ANKRD17: variants seen among roughly 807,000 people sequenced by gnomAD.
ANKRD17 encodes the protein ankyrin repeat domain-containing protein 17.
A neutral mutation model predicts 229.7 loss-of-function variants in ANKRD17; 19 were observed. The ratio of observed to expected loss-of-function variants is 0.08; its 90% CI spans 0.06 to 0.12. ANKRD17 has a LOEUF of 0.12. ANKRD17 is among the 10% of genes least tolerant of loss of function. ANKRD17 has a pLI of 1.00. For synonymous variants in ANKRD17, 1,112 were observed against 1,146.1 expected, an observed-to-expected ratio of 0.97 and a Z score of 0.60; for missense variants, 2,176 against 3,176.8, an observed-to-expected ratio of 0.68 and a Z score of 7.57.
At chr4:73,078,572 G>A in intron 31 of ANKRD17, 70 bp downstream of exon 31, 1 of 1,495,924 alleles carries the variant, frequency 6.7e-7, no homozygotes, top group Admixed American at 2.1e-5. Flanking sequence ...GACTATTAAA[G>A]TTAAATACTG....
intron 1 of ANKRD17, among the ~76,000 whole-genome samples, chr4:73,221,276 T>C (rs892996756): frequency 1.1e-4 from 16 of 152,122 alleles, no homozygotes; most frequent in Admixed American, 5.9e-4. Context: ...ACTAGCAACA[T>C]TGAATAAATA....
At position 73,232,728 on chromosome 4, in the gene ANKRD17, C is replaced by A. The variant is rs186485264; in HGVS notation, c.393+25548G>T. 1.1e-4 allele frequency among the ~76,000 whole-genome samples: 16 copies of A among 152,034 alleles called. No individual in the cohort carries two copies. In the South Asian group the frequency reaches 2.9e-3, roughly 28 times the overall value. ...GCCACCACATGTCTGCAATACCCCC[C>A]CTTTTTATTTTTTGAGACAGAGCCT... is the stretch of plus-strand genomic sequence containing the variant. On this transcript the variant is annotated intron_variant, in intron 1 of 33. Transcript: ENST00000358602.
At chr4:73,129,304 A>C (rs1335620970) in intron 16 of ANKRD17, among the ~76,000 whole-genome samples, 1 of 152,242 alleles carries the variant, frequency 6.6e-6, no homozygotes, top group Non-Finnish European at 1.5e-5. Context: ...ATGACTATTC[A>C]ATTTTATAAT....
At chr4:73,108,283 TGCCTAATAAGGTATTCA>T (rs953519099) in intron 24 of ANKRD17, among the ~76,000 whole-genome samples, 2 of 152,166 alleles carry the variant, frequency 1.3e-5, no homozygotes, top group African/African-American at 4.8e-5. Flanking sequence ...AAGTGTGAGA[TGCCTAATAAGGTATTCA>T]AATGGACATG....
At chr4:73,197,674 AT>A (rs1186105736) in intron 1 of ANKRD17, among the ~76,000 whole-genome samples, 3 of 150,822 alleles carry the variant, frequency 2.0e-5, no homozygotes, top group Non-Finnish European at 4.4e-5. Context: ...TATTAAAAAA[AT>A]TTTTTTTTTA....
At chr4:73,117,160 AAG>A (rs1312236791) in intron 22 of ANKRD17, among the ~76,000 whole-genome samples, 1 of 152,198 alleles carries the variant, frequency 6.6e-6, no homozygotes, top group African/African-American at 2.4e-5. Flanking sequence ...AAATAGGATG[AAG>A]AGTTTGGTAG....
chr4:73,238,090 TA>T (rs576562642), intron 1 of ANKRD17, among the ~76,000 whole-genome samples: 835 of 138,854 alleles, frequency 6.0e-3, no homozygotes, highest in South Asian at 0.018. Flanking sequence ...TCTCCTAAAT[TA>T]AAAAAAAAAA....
intron 25 of ANKRD17, chr4:73,100,980 A>G: frequency 1.0e-6 from 1 of 984,210 alleles, no homozygotes; most frequent in Non-Finnish European, 1.2e-6. Flanking sequence ...ACAAAACAAA[A>G]AACAAATACG....
chr4:73,196,974 G>A (rs1285047564), intron 1 of ANKRD17, among the ~76,000 whole-genome samples: 1 of 151,972 alleles, frequency 6.6e-6, no homozygotes, highest in Non-Finnish European at 1.5e-5. Flanking sequence ...GTATGTGTGT[G>A]TATATGTATA....
At chr4:73,121,190 T>C (rs747374021) in intron 19 of ANKRD17, 96 bp from the exon 20 acceptor site, 5 of 1,095,374 alleles carry the variant, frequency 4.6e-6, no homozygotes, top group Non-Finnish European at 6.8e-6. Flanking sequence ...TAAGATTATT[T>C]TGAAGGATTG....
intron 24 of ANKRD17, among the ~76,000 whole-genome samples, chr4:73,108,705 C>T (rs1038557582): frequency 1.3e-5 from 2 of 152,070 alleles, no homozygotes; most frequent in African/African-American, 4.8e-5. Context: ...TGAGAGCCAG[C>T]CTGTCAGGAA....
chr4:73,155,642 T>G lies in ANKRD17; in HGVS notation c.989A>C (p.Gln330Pro). Residue 330 changes from glutamine (Q) to proline (P), a missense_variant, in exon 5 of 34, where the codon CAG becomes CCG. By Grantham distance (76) the Gln-to-Pro change is moderately conservative. Transcript: ENST00000358602. Reference protein sequence around the residue: ...LLAHKADVNAQSSTGNTALTY... With the variant: ...LLAHKADVNAPSSTGNTALTY... ...GAAATAGGCATGACCTGTTGAAGAC[T>G]GTGCATTAACATCTGCTTTATGAGC... 1 of 1,614,150 alleles carries G rather than the reference T, an allele frequency of 6.2e-7. No homozygotes were observed. Among genetic ancestry groups the G allele is most frequent in the Non-Finnish European group, 8.5e-7 (1 of 1,180,012 alleles).
At position 73,078,866 on chromosome 4, in the gene ANKRD17, G is replaced by A. The variant is rs775851567; in HGVS notation, c.7184C>T (p.Ser2395Leu). Reference sequence around the variant, plus strand: ...GGCAGGAGATGGTGCACGAACTCCCGAGGATACTGACTGTGCAGAAGAATC... The same window carrying A: ...GGCAGGAGATGGTGCACGAACTCCCAAGGATACTGACTGTGCAGAAGAATC... The part of the protein sequence containing the change: ...SNDSSAQSVS[S>L]GVRAPSPAPS... Residue 2395 changes from serine (S) to leucine (L), a missense_variant, in exon 31 of 34, where the codon TCG becomes TTG. Physicochemically the swap from Ser to Leu is moderately radical, Grantham distance 145. This residue lies in a region of ANKRD17 where 87 missense variants were observed against 116.0 expected (regional missense o/e 0.75). Coordinates refer to ENST00000358602, the MANE Select transcript of ANKRD17 (RefSeq NM_032217.5). The A allele has an allele frequency of 2.2e-5, 36 of 1,614,016 alleles. No individual in the cohort carries two copies. The highest frequency in any genetic ancestry group is 9.3e-5 in the African/African-American group (7 of 74,916).
intron 1 of ANKRD17, among the ~76,000 whole-genome samples, chr4:73,240,806 CTTTTTTTTTTTT>C (rs111961579): frequency 7.9e-6 from 1 of 127,056 alleles, no homozygotes; most frequent in African/African-American, 3.1e-5. Flanking sequence ...AGTACTTATT[CTTTTTTTTTTTT>C]TTTTTTTTGG....
rs151156393 is a variant in ANKRD17 at position 73,097,152 on chromosome 4, T to C, written c.5142A>G (p.Gln1714=). Residue 1714 remains glutamine, a synonymous_variant, in exon 27 of 34, where the codon CAA becomes CAG. Coordinates refer to ENST00000358602, the MANE Select transcript of ANKRD17 (RefSeq NM_032217.5). The part of the protein sequence containing the change: ...KLTVASPKRG[Q]KREEGWKEVV... ...CTTCTTTCCATCCTTCTTCCCTCTT[T>C]TGCCCACGCTTAGGACTTGCTACTG... is the stretch of plus-strand genomic sequence containing the variant. The C allele has an allele frequency of 4.2e-5, 67 of 1,609,054 alleles. No individual in the cohort carries two copies. The African/African-American group carries it at 8.8e-4, about 21-fold the overall frequency.
At chr4:73,197,648 T>C (rs909775222) in intron 1 of ANKRD17, among the ~76,000 whole-genome samples, 4 of 152,054 alleles carry the variant, frequency 2.6e-5, no homozygotes, top group African/African-American at 4.8e-5. Context: ...TTGAGCAACA[T>C]AGCAAGACCC....
At chr4:73,099,539 G>A (rs1723708352) in intron 25 of ANKRD17, among the ~76,000 whole-genome samples, 1 of 152,176 alleles carries the variant, frequency 6.6e-6, no homozygotes, top group South Asian at 2.1e-4. Flanking sequence ...TGTTCCCTCT[G>A]GCTTCCCATA....
At chr4:73,117,097 A>G (rs1726063752) in intron 22 of ANKRD17, among the ~76,000 whole-genome samples, 1 of 152,174 alleles carries the variant, frequency 6.6e-6, no homozygotes, top group African/African-American at 2.4e-5. Context: ...ATGAATGATA[A>G]ACACTGTCAA....
At position 73,076,228 on chromosome 4, in the gene ANKRD17, T is replaced by C; in HGVS notation, c.*3A>G. On this transcript the variant is annotated 3_prime_UTR_variant, in exon 34 of 34. Transcript: ENST00000358602. The stretch of plus-strand genomic sequence containing the variant: ...AATCTGCAGGCTAACAAGCTGATCC[T>C]CATCAGCCAAGCTGGTTCATATGCA... 6.2e-7 allele frequency: 1 copy of C among 1,607,842 alleles called. No individual in the cohort carries two copies.
Sources: allele counts gnomAD v4.1 joint callset (sites outside exome capture counted in the v4.1 genomes callset), GRCh38; gene constraint gnomAD v4.1.1; regional missense constraint gnomAD v4.1.1; transcripts MANE v1.5; gene names NCBI Gene and HGNC (gene_info 2026-07-23, HGNC 2026-07-21).